Variants in HMCES observed in about 807,000 individuals in gnomAD.
The protein encoded by HMCES is abasic site processing protein HMCES.
Under a neutral mutation model 35.1 loss-of-function variants are expected in HMCES, and 27 were observed. The ratio of observed to expected loss-of-function variants is 0.77; its 90% CI spans 0.57 to 1.06. The LOEUF (loss-of-function observed/expected upper bound fraction) is 1.06, where lower values mean the gene tolerates loss of function less well. HMCES is among the 50% of genes least tolerant of loss of function. The probability of loss-of-function intolerance (pLI) is 0.00; values close to 1 mark genes in which losing one functional copy is unlikely to be tolerated. For missense variants in HMCES, 391 were observed against 430.4 expected (o/e 0.91, Z 0.81); for synonymous variants, 130 against 154.7 (o/e 0.84, Z 1.18).
Position 129,294,082 on chromosome 3 carries a change from T to C in HMCES, c.453+3278T>C, listed in dbSNP as rs1017259813. Among the ~76,000 whole-genome samples, 14 of 152,284 alleles carry C rather than the reference T, an allele frequency of 9.2e-5. No homozygotes were observed. The East Asian group carries it at 2.7e-3, about 29-fold the overall frequency. ...TGTTTTGGGAATAATCTTTTATAATTGCATTTCATCTCTATTATTGGCTTA... is the reference window on the plus strand; with the variant it reads ...TGTTTTGGGAATAATCTTTTATAATCGCATTTCATCTCTATTATTGGCTTA... On this transcript the variant is annotated intron_variant, in intron 4 of 6. Coordinates refer to ENST00000383463, the MANE Select transcript of HMCES (RefSeq NM_020187.3).
At chr3:129,299,752 C>T (rs2071139047) in intron 5 of HMCES, among the ~76,000 whole-genome samples, 1 of 149,392 alleles carries the variant, frequency 6.7e-6, no homozygotes, top group Non-Finnish European at 1.5e-5. Flanking sequence ...CCTGGGTTCA[C>T]ACCATTCTCC....
Position 129,298,462 on chromosome 3 carries a change from G to T in HMCES, c.562G>T (p.Gly188Ter). The change falls in exon 5 of 7, where the codon GGA becomes TGA. Residue 188 changes from glycine (G) to a stop codon, truncating the protein, a stop_gained. Coordinates refer to ENST00000383463, the MANE Select transcript of HMCES (RefSeq NM_020187.3). LOFTEE classifies it high-confidence loss of function. ...GIFDCWEPPE[G>*]GDVLYSYTII... ...CTTTGACTGCTGGGAGCCCCCAGAG[G>T]GAGGAGATGTCCTGTATTCCTATAC... The T allele has an allele frequency of 1.2e-6, 2 of 1,614,126 alleles. No homozygotes were observed. Among genetic ancestry groups the T allele is most frequent in the Non-Finnish European group, 1.7e-6 (2 of 1,180,022 alleles).
At position 129,279,567 on chromosome 3, in the gene HMCES, G is replaced by A; in HGVS notation, c.-23-143G>A. The A allele has an allele frequency of 1.3e-6, 1 of 787,202 alleles. No individual in the cohort carries two copies. Among genetic ancestry groups the A allele is most frequent in the Non-Finnish European group, 2.0e-6 (1 of 498,882 alleles). 48.8% of individuals were successfully genotyped at this position (787,202 alleles called of 1,614,324 possible). On this transcript the variant is annotated intron_variant, in intron 1 of 6. Coordinates refer to ENST00000383463, the MANE Select transcript of HMCES (RefSeq NM_020187.3). This position sits in a 1 kb window ranked among gnomAD's most constrained non-coding sequence, Gnocchi z 4.2. ...AGCAAACGGGCACATCCTTGTCTTTGTGGGACTTTTTGGGGAAGACTTTAG... is the reference window on the plus strand; with the variant it reads ...AGCAAACGGGCACATCCTTGTCTTTATGGGACTTTTTGGGGAAGACTTTAG...
In HMCES at chr3:129,281,520, G is replaced by A. The variant is rs142834927; in HGVS notation, c.183+1605G>A. On this transcript the variant is annotated intron_variant, in intron 2 of 6. Coordinates refer to ENST00000383463, the MANE Select transcript of HMCES (RefSeq NM_020187.3). ...AGCCTGGCCAACATGGTGAAACCCC[G>A]TCTCTACTGCAAATACAAAAATTAG... Among the ~76,000 whole-genome samples the A allele has an allele frequency of 6.0e-3, 915 of 151,776 alleles. 4 individuals carry two copies. Among genetic ancestry groups the A allele is most frequent in the African/African-American group, 0.021 (863 of 41,382 alleles).
intron 2 of HMCES, among the ~76,000 whole-genome samples, chr3:129,286,795 C>T (rs982375084): frequency 6.6e-6 from 1 of 152,094 alleles, no homozygotes; most frequent in Non-Finnish European, 1.5e-5. Context: ...ATTGTAGTAA[C>T]ACCCCAAAAT....
intron 2 of HMCES, among the ~76,000 whole-genome samples, 183 bp downstream of exon 2, chr3:129,280,098 A>C (rs1940428299): frequency 6.6e-6 from 1 of 152,086 alleles, no homozygotes; most frequent in East Asian, 1.9e-4. Flanking sequence ...GGCTTCTAAC[A>C]CTGATAAAGA....
intron 4 of HMCES, among the ~76,000 whole-genome samples, chr3:129,291,836 A>G (rs1187489443): frequency 6.6e-6 from 1 of 152,198 alleles, no homozygotes; most frequent in African/African-American, 2.4e-5. Flanking sequence ...CATGCCTGTA[A>G]TCCCAGCACT....
In HMCES at chr3:129,290,566, G is replaced by A. The variant is rs2071000922; in HGVS notation, c.328-113G>A. The A allele has an allele frequency of 5.2e-6, 6 of 1,155,030 alleles. 1 individual carries two copies. In the East Asian group the frequency reaches 1.3e-4, roughly 25 times the overall value. 71.5% of individuals were successfully genotyped at this position (1,155,030 alleles called of 1,614,324 possible). On this transcript the variant is annotated intron_variant, in intron 3 of 6. Coordinates refer to ENST00000383463, the MANE Select transcript of HMCES (RefSeq NM_020187.3). Reference sequence around the variant, plus strand: ...CCCAAAGTGTTGGGATTACAGCCGTGAGCCACCCGCCTGGCCCAAACCTCA... The same window carrying A: ...CCCAAAGTGTTGGGATTACAGCCGTAAGCCACCCGCCTGGCCCAAACCTCA...
chr3:129,304,855 T>A lies in HMCES; in HGVS notation c.*30T>A. ...GGACTTTCAGAGACCAAGGCCAGGGTCTGCTGCACTGCTGTTCTGATAATA... is the reference window on the plus strand; with the variant it reads ...GGACTTTCAGAGACCAAGGCCAGGGACTGCTGCACTGCTGTTCTGATAATA... On this transcript the variant is annotated 3_prime_UTR_variant, in exon 7 of 7. Coordinates refer to ENST00000383463, the MANE Select transcript of HMCES (RefSeq NM_020187.3). The A allele has an allele frequency of 6.6e-7, 1 of 1,516,500 alleles. No individual in the cohort carries two copies. Among genetic ancestry groups the A allele is most frequent in the Non-Finnish European group, 9.2e-7 (1 of 1,091,810 alleles). 93.9% of individuals were successfully genotyped at this position (1,516,500 alleles called of 1,614,324 possible). A position where few individuals can be genotyped will look rare whatever the true frequency, so the allele number is the denominator to read the frequency against.
rs149403437 is a variant in HMCES, at chr3:129,288,878, A to G, written c.208A>G (p.Ile70Val). The G allele has an allele frequency of 2.5e-6, 4 of 1,578,020 alleles. No individual in the cohort carries two copies. Among genetic ancestry groups the G allele is most frequent in the Non-Finnish European group, 3.5e-6 (4 of 1,152,238 alleles). The change falls in exon 3 of 7, where the codon ATT (isoleucine) becomes GTT (valine). Residue 70 changes from isoleucine (I) to valine (V), a missense_variant. Transcript: ENST00000383463. The stretch of plus-strand genomic sequence containing the variant: ...GGATGCAGACTCATCTGAGCGTATC[A>G]TTGCTCCCATGCGCTGGGGCTTGGT... Reference protein sequence around the residue: ...EKDADSSERIIAPMRWGLVPS... With the variant: ...EKDADSSERIVAPMRWGLVPS...
intron 2 of HMCES, among the ~76,000 whole-genome samples, chr3:129,286,389 C>T (rs1321010150): frequency 6.6e-6 from 1 of 152,164 alleles, no homozygotes; most frequent in Non-Finnish European, 1.5e-5. Flanking sequence ...TCTGCTGGCA[C>T]CTTAATCCCA....
chr3:129,281,906 G>T (rs1341962519), intron 2 of HMCES, among the ~76,000 whole-genome samples: 1 of 128,164 alleles, frequency 7.8e-6, no homozygotes. Flanking sequence ...CAGCCTGGGT[G>T]ACAGAGCAAG....
intron 5 of HMCES, among the ~76,000 whole-genome samples, chr3:129,299,768 C>T (rs552578074): frequency 3.3e-5 from 5 of 151,266 alleles, no homozygotes; most frequent in African/African-American, 1.2e-4. Flanking sequence ...TCTCCTGCCT[C>T]AGCCTCCCGA....
chr3:129,288,756 T>G, intron 2 of HMCES, 98 bp from the exon 3 acceptor site: 1 of 963,778 alleles, frequency 1.0e-6, no homozygotes, highest in South Asian at 3.5e-5. Flanking sequence ...CTTGAATTCT[T>G]TATATTTCAA....
At chr3:129,290,872 T>C (rs190869836) in intron 4 of HMCES, 68 bp downstream of exon 4, 114 of 1,454,344 alleles carry the variant, frequency 7.8e-5, no homozygotes, top group Non-Finnish European at 5.2e-5. Context: ...CCAAAGGACA[T>C]TTTTTTCTTC....
intron 2 of HMCES, among the ~76,000 whole-genome samples, chr3:129,287,721 C>T (rs1449296269): frequency 6.6e-6 from 1 of 152,158 alleles, no homozygotes; most frequent in Admixed American, 6.6e-5. Context: ...ATAGCATCCT[C>T]CAGTGCTTTG....
chr3:129,302,271 G>A (rs1442143400), intron 6 of HMCES, 129 bp downstream of exon 6: 5 of 746,392 alleles, frequency 6.7e-6, no homozygotes, highest in Non-Finnish European at 1.1e-5. Context: ...CATACTCCTT[G>A]TACACAGCAA....
intron 3 of HMCES, 135 bp downstream of exon 3, chr3:129,289,132 G>A (rs1560074506): frequency 5.8e-6 from 4 of 693,148 alleles, no homozygotes; most frequent in Non-Finnish European, 8.8e-6. Context: ...TTGTTAATGT[G>A]GAATGCTATT....
intron 2 of HMCES, among the ~76,000 whole-genome samples, chr3:129,287,830 C>T (rs892037247): frequency 1.3e-5 from 2 of 151,994 alleles, no homozygotes; most frequent in African/African-American, 2.4e-5. Context: ...GAGGCTGAGG[C>T]GGGTGGATCA....
Sources: allele counts gnomAD v4.1 joint callset (sites outside exome capture counted in the v4.1 genomes callset), GRCh38; gene constraint gnomAD v4.1.1; non-coding constraint Gnocchi (gnomAD v3.1); transcripts MANE v1.5; gene names NCBI Gene and HGNC (gene_info 2026-07-23, HGNC 2026-07-21).